ROCK1: variants seen among roughly 807,000 people sequenced by gnomAD.
The protein encoded by ROCK1 is Rho associated coiled-coil containing protein kinase 1.
ROCK1 carries 36 observed loss-of-function variants against 196.8 expected under a neutral mutation model. The ratio of observed to expected loss-of-function variants is 0.18; its 90% CI spans 0.14 to 0.24. The LOEUF (loss-of-function observed/expected upper bound fraction) is 0.24. ROCK1 is among the 10% of genes least tolerant of loss of function. The pLI is 1.00. For missense variants in ROCK1, 920 were observed against 1,562.0 expected, an observed-to-expected ratio of 0.59 and a Z score of 6.93; for synonymous variants, 443 against 515.9, an observed-to-expected ratio of 0.86 and a Z score of 1.91.
At chr18:20,971,831 C>A (rs2035432158) in intron 22 of ROCK1, among the ~76,000 whole-genome samples, 1 of 150,684 alleles carries the variant, frequency 6.6e-6, no homozygotes, top group Non-Finnish European at 1.5e-5. Flanking sequence ...GAGAATAATA[C>A]AAGATAAAAT....
At position 21,111,367 on chromosome 18, in the gene ROCK1, G is replaced by A. The variant is rs1400072416; in HGVS notation, c.-457C>T. The A allele has an allele frequency of 7.1e-6, 3 of 419,862 alleles. No individual in the cohort carries two copies. Among genetic ancestry groups the A allele is most frequent in the Admixed American group, 4.0e-5 (1 of 24,798 alleles). 26.0% of individuals were successfully genotyped at this position (419,862 alleles called of 1,614,324 possible). A position where few individuals can be genotyped will look rare whatever the true frequency, so the allele number is the denominator to read the frequency against. ...AAGCAAAGGGCGGGTGAGGAGCTGT[G>A]CCAGCTGCGGCCGCCGCTCGGGCCA... On this transcript the variant is annotated 5_prime_UTR_variant, in exon 1 of 33. Transcript: ENST00000399799. The surrounding 1 kb of genome is among the most constrained non-coding windows in gnomAD (Gnocchi z 4.2).
intron 11 of ROCK1, among the ~76,000 whole-genome samples, chr18:21,023,111 G>A (rs1313647906): frequency 6.6e-6 from 1 of 152,062 alleles, no homozygotes; most frequent in African/African-American, 2.4e-5. Context: ...AGGAGTTACT[G>A]TTTAATTGGT....
intron 26 of ROCK1, 115 bp from the exon 27 acceptor site, chr18:20,967,191 A>G (rs1568369760): frequency 1.5e-6 from 1 of 687,146 alleles, no homozygotes; most frequent in African/African-American, 1.8e-5. Flanking sequence ...AAACTTCATG[A>G]ATGTTTGCTA....
intron 22 of ROCK1, among the ~76,000 whole-genome samples, chr18:20,977,346 T>G (rs2035490124): frequency 6.6e-6 from 1 of 152,224 alleles, no homozygotes; most frequent in African/African-American, 2.4e-5. Flanking sequence ...GTTTTCTCTC[T>G]CCAGCCTTAT....
intron 29 of ROCK1, among the ~76,000 whole-genome samples, chr18:20,959,580 T>C (rs1468094044): frequency 6.6e-6 from 1 of 151,106 alleles, no homozygotes; most frequent in Non-Finnish European, 1.5e-5. Flanking sequence ...ACTATACTTT[T>C]TGAAATGCTC....
chr18:21,005,899 A>G (rs571242846), intron 16 of ROCK1, among the ~76,000 whole-genome samples: 1 of 152,354 alleles, frequency 6.6e-6, no homozygotes, highest in Non-Finnish European at 1.5e-5. Flanking sequence ...ACAATAAAAA[A>G]GAATGCAACC....
In ROCK1 at chr18:20,967,943, AT is replaced by A. The variant is rs778708120; in HGVS notation, c.3004-4del. On this transcript the variant is annotated splice_region_variant and splice_polypyrimidine_tract_variant and intron_variant, in intron 25 of 32. Transcript: ENST00000399799. ...ATTTCTGCCAATTTGTTAACAGCCT[AT>A]TAAAATATTATTAATAAAGATCAAT... The A allele has an allele frequency of 6.7e-7, 1 of 1,499,804 alleles. No individual in the cohort carries two copies. The highest frequency in any genetic ancestry group is 1.3e-5 in the South Asian group (1 of 78,348). 92.9% of individuals were successfully genotyped at this position (1,499,804 alleles called of 1,614,324 possible).
intron 2 of ROCK1, among the ~76,000 whole-genome samples, chr18:21,069,753 T>G (rs2036367691): frequency 6.6e-6 from 1 of 152,126 alleles, no homozygotes; most frequent in African/African-American, 2.4e-5. Context: ...TAATAAAATT[T>G]TACTGCTATG....
intron 9 of ROCK1, among the ~76,000 whole-genome samples, chr18:21,035,876 T>C (rs988129209): frequency 6.6e-6 from 1 of 152,190 alleles, no homozygotes; most frequent in Non-Finnish European, 1.5e-5. Flanking sequence ...AGTAGTCTAA[T>C]TCATAGAGAC....
At chr18:21,001,396 A>G (rs570758345) in intron 16 of ROCK1, among the ~76,000 whole-genome samples, 1 of 152,374 alleles carries the variant, frequency 6.6e-6, no homozygotes, top group Admixed American at 6.5e-5. Context: ...GTTGAATTGT[A>G]TATTTTTAAA....
intron 6 of ROCK1, among the ~76,000 whole-genome samples, chr18:21,043,831 A>T (rs2036132122): frequency 6.6e-6 from 1 of 151,988 alleles, no homozygotes; most frequent in Admixed American, 6.5e-5. Context: ...AGTTACCAGT[A>T]GTGTATATTA....
chr18:21,039,363 C>G (rs1439047490), intron 9 of ROCK1, 109 bp downstream of exon 9: 9 of 738,058 alleles, frequency 1.2e-5, no homozygotes, highest in Non-Finnish European at 2.0e-5. Context: ...GTATTTGTGG[C>G]TTCTGATTTT....
intron 1 of ROCK1, among the ~76,000 whole-genome samples, chr18:21,081,640 G>C (rs765430637): frequency 9.2e-5 from 14 of 152,126 alleles, no homozygotes; most frequent in Non-Finnish European, 1.8e-4. Context: ...GGGAAAAAGA[G>C]AGAAGACTCA....
chr18:20,967,147 ATAATTTAAATTGC>A lies in ROCK1; in HGVS notation c.3193-84_3193-72del. 4 of 1,048,150 alleles carry A rather than the reference ATAATTTAAATTGC, an allele frequency of 3.8e-6. No homozygotes were observed. The Admixed American group carries it at 8.7e-5, about 23-fold the overall frequency. The allele number at this position is 1,048,150 out of a possible 1,614,324, so 64.9% of individuals were successfully genotyped here. On this transcript the variant is annotated intron_variant, in intron 26 of 32. Coordinates refer to ENST00000399799, the MANE Select transcript of ROCK1 (RefSeq NM_005406.3). ...TTCCAACATTACTAATTGAAATATG[ATAATTTAAATTGC>A]TAATACTAAAAATGTACAGTAAACT...
chr18:21,047,578 G>A (rs1197534541), intron 4 of ROCK1, among the ~76,000 whole-genome samples: 1 of 152,164 alleles, frequency 6.6e-6, no homozygotes, highest in Non-Finnish European at 1.5e-5. Context: ...CGGATCACGA[G>A]GTCAGGAGAT....
chr18:21,034,084 C>G (rs2036036201), intron 9 of ROCK1, among the ~76,000 whole-genome samples: 1 of 143,174 alleles, frequency 7.0e-6, no homozygotes, highest in South Asian at 2.3e-4. Flanking sequence ...TACCTAGGAA[C>G]AAATTTAACC....
intron 1 of ROCK1, among the ~76,000 whole-genome samples, chr18:21,084,974 C>T (rs2036513938): frequency 6.6e-6 from 1 of 152,028 alleles, no homozygotes; most frequent in African/African-American, 2.4e-5. Context: ...AAACATTATG[C>T]TAAATGAAAT....
Position 20,959,185 on chromosome 18 carries a change from A to ATATAT in ROCK1, c.3512+650_3512+654dup, listed in dbSNP as rs1447456588. Among the ~76,000 whole-genome samples the ATATAT allele has an allele frequency of 4.1e-3, 276 of 66,912 alleles. 1 individual carries two copies. Among genetic ancestry groups the ATATAT allele is most frequent in the Non-Finnish European group, 5.8e-3 (218 of 37,730 alleles). The allele number at this position is 66,912 out of a possible 152,430, so 43.9% of individuals were successfully genotyped here. Reference sequence around the variant, plus strand: ...TATATTATATAATATATATAATATTATATATAATATATATAATACATATAA... The same window carrying ATATAT: ...TATATTATATAATATATATAATATTATATATTATATAATATATATAATACATATAA... On this transcript the variant is annotated intron_variant, in intron 29 of 32. Transcript: ENST00000399799.
chr18:20,959,049 TATA>T (rs2035285362), intron 29 of ROCK1, among the ~76,000 whole-genome samples: 1 of 58,184 alleles, frequency 1.7e-5, no homozygotes, highest in African/African-American at 1.4e-4. Flanking sequence ...TAATATATAA[TATA>T]TATATTATAT....
Sources: gnomAD v4.1 joint callset for allele counts (sites outside exome capture counted in the v4.1 genomes callset) on GRCh38, gnomAD v4.1.1 for gene constraint, Gnocchi (gnomAD v3.1) non-coding constraint, MANE v1.5 for transcripts, NCBI Gene and HGNC (gene_info 2026-07-23, HGNC 2026-07-21) for gene names.